Variants in KDM4C observed in about 807,000 individuals in gnomAD.
The protein encoded by KDM4C is lysine demethylase 4C, also known as lysine-specific demethylase 4C.
In KDM4C, 81 loss-of-function variants were observed where a neutral mutation model predicts 129.3. The ratio of observed to expected loss-of-function variants is 0.63; its 90% CI spans 0.52 to 0.75. The LOEUF (loss-of-function observed/expected upper bound fraction) is 0.75. Ranked by LOEUF, KDM4C falls within the 30% of genes least tolerant of loss-of-function variation. KDM4C has a pLI of 0.00. For missense variants in KDM4C, 1,457 were observed against 1,304.0 expected, an observed-to-expected ratio of 1.12 and a Z score of -1.81; for synonymous variants, 573 against 456.1, an observed-to-expected ratio of 1.26 and a Z score of -3.26.
chr9:6,825,960 G>A lies in KDM4C; in HGVS notation c.435+11215G>A, dbSNP rs181932455. ...TGAGTAGCTGGGACTACGTGTGTGCGCCACCATGCCCAGCTAATTTTTTGT... is the reference window on the plus strand; with the variant it reads ...TGAGTAGCTGGGACTACGTGTGTGCACCACCATGCCCAGCTAATTTTTTGT... On this transcript the variant is annotated intron_variant, in intron 4 of 21. Coordinates refer to ENST00000381309, the MANE Select transcript of KDM4C (RefSeq NM_015061.6). Among the ~76,000 whole-genome samples, 485 of 152,134 alleles carry A rather than the reference G, an allele frequency of 3.2e-3. 5 individuals carry two copies. The highest frequency in any genetic ancestry group is 0.011 in the African/African-American group (451 of 41,516).
intron 8 of KDM4C, chr9:6,941,533 A>G (rs1331717565): frequency 6.6e-6 from 1 of 152,224 alleles, no homozygotes; most frequent in African/African-American, 2.4e-5. Context: ...AAAAAACCAT[A>G]TTACATTTCA....
rs113506607 is a variant in KDM4C, at chr9:6,751,047, C to T, written c.49+30050C>T. Among the ~76,000 whole-genome samples the T allele has an allele frequency of 4.8e-3, 723 of 152,202 alleles. 5 individuals are homozygous for T. The highest frequency in any genetic ancestry group is 6.4e-3 in the Non-Finnish European group (435 of 68,016). ...CTTCCTTACATGACAGTCTCAGGAC[C>T]GTATCATAAGAGAGTGAAAGCAGAA... is the stretch of plus-strand genomic sequence containing the variant. On this transcript the variant is annotated intron_variant, in intron 1 of 17. Coordinates refer to the KDM4C transcript ENST00000536108.
intron 1 of KDM4C, among the ~76,000 whole-genome samples, chr9:6,769,937 T>G (rs1674430335): frequency 6.6e-6 from 1 of 152,118 alleles, no homozygotes; most frequent in Non-Finnish European, 1.5e-5. Flanking sequence ...TCACAGCACT[T>G]TGGGAGGTTG....
chr9:6,922,688 A>G (rs1821753719), intron 8 of KDM4C, among the ~76,000 whole-genome samples: 1 of 152,276 alleles, frequency 6.6e-6, no homozygotes. Flanking sequence ...TTGAGGTTGC[A>G]GTGAACCATG....
At chr9:6,723,332 G>A (rs773839331) in intron 1 of KDM4C, among the ~76,000 whole-genome samples, 36 of 152,070 alleles carry the variant, frequency 2.4e-4, no homozygotes, top group African/African-American at 7.7e-4. Flanking sequence ...ACGAGGTCAC[G>A]CCACTGCACT....
intron 8 of KDM4C, among the ~76,000 whole-genome samples, chr9:6,972,669 T>C (rs545730045): frequency 4.5e-4 from 68 of 152,364 alleles, no homozygotes; most frequent in African/African-American, 1.5e-3. Context: ...TTTGTTTTGC[T>C]ATTCATGAGT....
At chr9:6,737,127 A>G (rs1420226766) in intron 1 of KDM4C, among the ~76,000 whole-genome samples, 2 of 151,384 alleles carry the variant, frequency 1.3e-5, no homozygotes, top group Admixed American at 6.6e-5. Flanking sequence ...TCTTGTCTCT[A>G]TTTTCAAAAA....
At chr9:7,074,760 C>G (rs1833690636) in intron 17 of KDM4C, among the ~76,000 whole-genome samples, 1 of 152,098 alleles carries the variant, frequency 6.6e-6, no homozygotes. Context: ...TTTGCTGAGC[C>G]TTTTTGGCTG....
intron 8 of KDM4C, among the ~76,000 whole-genome samples, chr9:6,928,035 C>G (rs181694496): frequency 1.0e-3 from 157 of 152,278 alleles, no homozygotes; most frequent in African/African-American, 3.7e-3. Flanking sequence ...TTGCTGTACT[C>G]ACCATCTCTA....
rs6477156 is a variant in KDM4C at position 7,112,710 on chromosome 9, C to A, written c.2610+8840C>A. ...TCCTTTCAGTTTCCTTTTTATTTTC[C>A]CTCACTTCGTCTGGAGCTCACTTCC... On this transcript the variant is annotated intron_variant, in intron 18 of 21. Coordinates refer to ENST00000381309, the MANE Select transcript of KDM4C (RefSeq NM_015061.6). Among the ~76,000 whole-genome samples, 1,353 of 152,154 alleles carry A rather than the reference C, an allele frequency of 8.9e-3. 20 individuals carry two copies. Among genetic ancestry groups the A allele is most frequent in the African/African-American group, 0.03 (1,251 of 41,494 alleles).
chr9:6,738,556 C>T (rs1175434017), intron 1 of KDM4C, among the ~76,000 whole-genome samples: 1 of 152,064 alleles, frequency 6.6e-6, no homozygotes, highest in Non-Finnish European at 1.5e-5. Flanking sequence ...TGCCTCAGCA[C>T]CCTGGAGTAG....
intron 15 of KDM4C, among the ~76,000 whole-genome samples, chr9:7,023,079 G>T (rs55754223): frequency 7.2e-5 from 11 of 152,074 alleles, no homozygotes; most frequent in African/African-American, 2.7e-4. Flanking sequence ...CTGCATCAGT[G>T]TTCATCAGGG....
At chr9:6,871,170 C>T (rs1842773530) in intron 5 of KDM4C, among the ~76,000 whole-genome samples, 1 of 152,164 alleles carries the variant, frequency 6.6e-6, no homozygotes, top group Non-Finnish European at 1.5e-5. Context: ...AGTAAGTGGA[C>T]TGAGCATATT....
At chr9:7,049,790 G>A (rs1486509777) in intron 17 of KDM4C, among the ~76,000 whole-genome samples, 1 of 151,960 alleles carries the variant, frequency 6.6e-6, no homozygotes, top group Non-Finnish European at 1.5e-5. Context: ...GGCCTTTATT[G>A]TCTTTAACAT....
intron 5 of KDM4C, among the ~76,000 whole-genome samples, chr9:6,850,844 T>C (rs1405851704): frequency 6.6e-6 from 1 of 152,154 alleles, no homozygotes; most frequent in African/African-American, 2.4e-5. Flanking sequence ...AACCTCCACC[T>C]CCTAGGTTCA....
chr9:7,148,600 C>T (rs556909157), intron 19 of KDM4C, among the ~76,000 whole-genome samples: 47 of 152,288 alleles, frequency 3.1e-4, no homozygotes, highest in Middle Eastern at 3.4e-3. Flanking sequence ...CAGCCAGGAA[C>T]GTGTTACAAC....
chr9:6,865,008 C>CT (rs777981928), intron 5 of KDM4C, among the ~76,000 whole-genome samples: 9,149 of 126,490 alleles, frequency 0.072, 743 homozygotes, highest in East Asian at 0.28. Context: ...AAATTTCTTT[C>CT]TTTTTTTTTT....
At chr9:6,831,624 A>G (rs1360401330) in intron 4 of KDM4C, among the ~76,000 whole-genome samples, 6 of 152,106 alleles carry the variant, frequency 3.9e-5, no homozygotes, top group African/African-American at 1.4e-4. Flanking sequence ...TTACAGGTGT[A>G]AGCCAGCGCA....
At chr9:6,904,222 G>C (rs1817898276) in intron 8 of KDM4C, among the ~76,000 whole-genome samples, 1 of 151,908 alleles carries the variant, frequency 6.6e-6, no homozygotes, top group Admixed American at 6.6e-5. Flanking sequence ...CTGGGCAACA[G>C]AGTGAGACTC....
Sources: gnomAD v4.1 joint callset for allele counts (sites outside exome capture counted in the v4.1 genomes callset) on GRCh38, gnomAD v4.1.1 for gene constraint, MANE v1.5 for transcripts, NCBI Gene and HGNC (gene_info 2026-07-23, HGNC 2026-07-21) for gene names.